The following PRKCB variants were observed in gnomAD, a reference collection of about 807,000 sequenced individuals.
The protein encoded by PRKCB is protein kinase C beta.
PRKCB carries 13 observed loss-of-function variants against 81.5 expected under a neutral mutation model. The ratio of observed to expected loss-of-function variants is 0.16; its 90% CI spans 0.10 to 0.25. The LOEUF is 0.25. PRKCB is among the 10% of genes least tolerant of loss of function. PRKCB has a pLI of 1.00. For missense variants in PRKCB, 509 were observed against 875.7 expected, an observed-to-expected ratio of 0.58 and a Z score of 5.29; for synonymous variants, 335 against 321.4, an observed-to-expected ratio of 1.04 and a Z score of -0.45.
chr16:24,189,641 C>CAAA (rs10605364), intron 15 of PRKCB, among the ~76,000 whole-genome samples: 67 of 83,148 alleles, frequency 8.1e-4, no homozygotes, highest in Admixed American at 3.4e-3. Context: ...GACTCCGTCT[C>CAAA]AAAAAAAAAA....
In PRKCB at chr16:24,162,442, CTTTTT is replaced by C. The variant is rs564543744; in HGVS notation, c.1239+7605_1239+7609del. On this transcript the variant is annotated intron_variant, in intron 10 of 16. Coordinates refer to ENST00000643927, the MANE Select transcript of PRKCB (RefSeq NM_002738.7). ...AATAGCTCCAAAAAAACAGAGAAGA[CTTTTT>C]TTTTTTTTTTTTTTTTTTTGAGACA... is the stretch of plus-strand genomic sequence containing the variant. Among the ~76,000 whole-genome samples, 499 of 68,596 alleles carry C rather than the reference CTTTTT, an allele frequency of 7.3e-3. 2 individuals are homozygous for C. Among genetic ancestry groups the C allele is most frequent in the African/African-American group, 0.026 (482 of 18,506 alleles). 45.0% of individuals were successfully genotyped at this position (68,596 alleles called of 152,430 possible).
At chr16:23,895,395 T>G (rs1221841968) in intron 2 of PRKCB, among the ~76,000 whole-genome samples, 1 of 152,172 alleles carries the variant, frequency 6.6e-6, no homozygotes, top group East Asian at 1.9e-4. Flanking sequence ...ATGCATTAAT[T>G]TCTGCTTTTT....
At chr16:24,063,881 T>A (rs1966002801) in intron 5 of PRKCB, among the ~76,000 whole-genome samples, 1 of 152,210 alleles carries the variant, frequency 6.6e-6, no homozygotes, top group Non-Finnish European at 1.5e-5. Flanking sequence ...GAATGCCCGT[T>A]TTTGAAGGCT....
chr16:24,142,518 C>T (rs897923606), intron 9 of PRKCB, among the ~76,000 whole-genome samples: 8 of 152,202 alleles, frequency 5.3e-5, no homozygotes, highest in Non-Finnish European at 2.9e-5. Flanking sequence ...TTCTCTCTGT[C>T]CTCCTCCAGT....
chr16:23,931,402 C>T lies in PRKCB; in HGVS notation c.206-57106C>T, dbSNP rs185054378. Among the ~76,000 whole-genome samples, 357 of 152,326 alleles carry T rather than the reference C, an allele frequency of 2.3e-3. 3 individuals carry two copies. The highest frequency in any genetic ancestry group is 7.1e-3 in the African/African-American group (296 of 41,572). On this transcript the variant is annotated intron_variant, in intron 2 of 16. Transcript: ENST00000643927. ...AGTAGTTTAAAATAGCCTGAGCTCA[C>T]TTCTGAGGTAGACATGTGCGTGGAG... is the stretch of plus-strand genomic sequence containing the variant.
chr16:24,032,057 C>T, intron 3 of PRKCB, 79 bp from the exon 4 acceptor site: 9 of 1,012,178 alleles, frequency 8.9e-6, no homozygotes, highest in Middle Eastern at 5.0e-4. Context: ...GGTGAGTTCT[C>T]CAGTGCCTCT....
chr16:24,047,910 G>A (rs993040051), intron 5 of PRKCB, among the ~76,000 whole-genome samples: 11 of 152,186 alleles, frequency 7.2e-5, no homozygotes, highest in African/African-American at 2.7e-4. Flanking sequence ...GGGAGCAGTG[G>A]GCTGGAGGCA....
At chr16:24,077,063 C>G (rs9938298) in intron 5 of PRKCB, among the ~76,000 whole-genome samples, 53,713 of 151,984 alleles carry the variant, frequency 0.35, 11,305 homozygotes, top group African/African-American at 0.59. Flanking sequence ...GGCAAGTAAA[C>G]TTAGCACCTG....
intron 3 of PRKCB, among the ~76,000 whole-genome samples, chr16:24,026,800 A>G (rs1965486166): frequency 6.6e-6 from 1 of 152,210 alleles, no homozygotes; most frequent in South Asian, 2.1e-4. Context: ...GGAGAAGTGA[A>G]GGATGTAAGG....
chr16:23,891,665 G>C (rs1004059251), intron 2 of PRKCB, among the ~76,000 whole-genome samples: 2 of 152,194 alleles, frequency 1.3e-5, no homozygotes, highest in African/African-American at 4.8e-5. Flanking sequence ...GGTGAGGCTT[G>C]AGTGTTCAAT....
chr16:23,969,931 T>C (rs762792420), intron 2 of PRKCB, among the ~76,000 whole-genome samples: 2 of 152,230 alleles, frequency 1.3e-5, no homozygotes, highest in African/African-American at 4.8e-5. Context: ...TGCTTTGTTA[T>C]GCAGAATAGC....
intron 12 of PRKCB, among the ~76,000 whole-genome samples, chr16:24,179,971 G>A (rs986256726): frequency 4.6e-5 from 7 of 151,826 alleles, no homozygotes; most frequent in African/African-American, 1.5e-4. Context: ...TCAAGACGGA[G>A]TCTCGCTCTG....
At position 24,217,021 on chromosome 16, in the gene PRKCB, G is replaced by C; in HGVS notation, c.*2205G>C. 1.0e-6 allele frequency: 1 copy of C among 984,902 alleles called. No individual in the cohort carries two copies. Among genetic ancestry groups the C allele is most frequent in the African/African-American group, 1.8e-5 (1 of 57,136 alleles). The allele number at this position is 984,902 out of a possible 1,614,324, so 61.0% of individuals were successfully genotyped here. ...CTCTCAGGAAGATAAAAACCATGGA[G>C]AAACACTAGGCCATTGACAAATGAT... is the stretch of plus-strand genomic sequence containing the variant. On this transcript the variant is annotated 3_prime_UTR_variant, in exon 17 of 17. Transcript: ENST00000643927.
At chr16:23,899,210 C>T (rs1963426610) in intron 2 of PRKCB, among the ~76,000 whole-genome samples, 1 of 152,174 alleles carries the variant, frequency 6.6e-6, no homozygotes, top group African/African-American at 2.4e-5. Flanking sequence ...GCAGAGATGC[C>T]AGCCACAGCT....
chr16:23,867,345 C>T (rs1173350532), intron 2 of PRKCB, among the ~76,000 whole-genome samples: 1 of 152,140 alleles, frequency 6.6e-6, no homozygotes, highest in Admixed American at 6.5e-5. Context: ...GGGTCTTGAA[C>T]TCCTGACCTC....
chr16:24,102,295 A>G lies in PRKCB; in HGVS notation c.821+7998A>G, dbSNP rs201279214. 3.3e-5 allele frequency among the ~76,000 whole-genome samples: 5 copies of G among 152,246 alleles called. No homozygotes were observed. The East Asian group carries it at 9.6e-4, about 29-fold the overall frequency. On this transcript the variant is annotated intron_variant, in intron 7 of 16. Transcript: ENST00000643927. ...AGTTGGAAGGGAACTTTTCCAAAAT[A>G]AAAGCCCTCTGCAGATTTTTGCAGA...
Position 24,191,094 on chromosome 16 carries a change from T to A in PRKCB, c.1727T>A (p.Met576Lys). The part of the protein sequence containing the change: ...KEAVAICKGL[M>K]TKHPGKRLGC... ...ATGTTTTTCTTTCTCTCGAAGCTGA[T>A]GACCAAACACCCAGGCAAACGTCTG... Residue 576 changes from methionine (M) to lysine (K), a missense_variant, in exon 16 of 17, where the codon ATG (methionine) becomes AAG (lysine). Met to Lys is a moderately conservative substitution (Grantham distance 95). This residue lies in a region of PRKCB where 104 missense variants were observed against 160.5 expected (regional missense o/e 0.65). Coordinates refer to ENST00000643927, the MANE Select transcript of PRKCB (RefSeq NM_002738.7). 6.2e-7 allele frequency: 1 copy of A among 1,613,498 alleles called. No individual in the cohort carries two copies. Among genetic ancestry groups the A allele is most frequent in the Non-Finnish European group, 8.5e-7 (1 of 1,179,710 alleles).
At chr16:23,855,790 C>T (rs532783596) in intron 2 of PRKCB, among the ~76,000 whole-genome samples, 2 of 152,180 alleles carry the variant, frequency 1.3e-5, no homozygotes, top group Non-Finnish European at 2.9e-5. Flanking sequence ...CTGGGACAAG[C>T]CAATGCATCA....
chr16:23,879,523 C>G (rs1348036941), intron 2 of PRKCB, among the ~76,000 whole-genome samples: 1 of 114,762 alleles, frequency 8.7e-6, no homozygotes, highest in Non-Finnish European at 1.7e-5. Flanking sequence ...TTTTTTGAGA[C>G]GGAGCCCCAC....
Sources: allele counts gnomAD v4.1 joint callset (sites outside exome capture counted in the v4.1 genomes callset), GRCh38; gene constraint gnomAD v4.1.1; regional missense constraint gnomAD v4.1.1; transcripts MANE v1.5; gene names NCBI Gene and HGNC (gene_info 2026-07-23, HGNC 2026-07-21).